NRXN1: variants seen among roughly 807,000 people sequenced by gnomAD.
NRXN1 encodes the protein neurexin-1.
Under a neutral mutation model 150.9 loss-of-function variants are expected in NRXN1, and 39 were observed. The ratio of observed to expected loss-of-function variants is 0.26; its 90% CI spans 0.20 to 0.34. NRXN1 has a LOEUF of 0.34. NRXN1 is among the 10% of genes least tolerant of loss of function. The pLI is 1.00. For missense variants in NRXN1, 1,815 were observed against 1,949.9 expected (o/e 0.93, Z 1.30); for synonymous variants, 924 against 757.0 (o/e 1.22, Z -3.62).
At chr2:50,404,120 G>A (rs2082584353) in intron 17 of NRXN1, among the ~76,000 whole-genome samples, 1 of 151,750 alleles carries the variant, frequency 6.6e-6, no homozygotes, top group Admixed American at 6.6e-5. Context: ...CACACCCTCT[G>A]TTGTGTCTTC....
At chr2:50,718,294 CA>C (rs1202631523) in intron 5 of NRXN1, among the ~76,000 whole-genome samples, 1 of 151,314 alleles carries the variant, frequency 6.6e-6, no homozygotes, top group African/African-American at 2.4e-5. Context: ...TATGGGAGCA[CA>C]AAAAAAATTT....
chr2:50,245,173 T>G (rs929894383), intron 17 of NRXN1, among the ~76,000 whole-genome samples: 2 of 151,974 alleles, frequency 1.3e-5, no homozygotes, highest in Non-Finnish European at 2.9e-5. Context: ...TAGTTTGAGC[T>G]GCCCAGAGAG....
chr2:50,167,211 C>T (rs542506726), intron 18 of NRXN1, among the ~76,000 whole-genome samples: 1 of 152,238 alleles, frequency 6.6e-6, no homozygotes, highest in South Asian at 2.1e-4. Context: ...ATCTGCTCCC[C>T]TGCCTCACCC....
rs145814403 is a variant in NRXN1, at chr2:50,113,298, C to T, written c.3547-21804G>A. Among the ~76,000 whole-genome samples the T allele has an allele frequency of 1.8e-4, 28 of 152,314 alleles. No homozygotes were observed. In the East Asian group the frequency reaches 5.4e-3, roughly 29 times the overall value. On this transcript the variant is annotated intron_variant, in intron 18 of 22. Coordinates refer to ENST00000401669, the MANE Select transcript of NRXN1 (RefSeq NM_001330078.2). ...TTGCACATAAATATTTACCATGCAT[C>T]ATAATTATTTGTGCATGTGTCTCTT...
intron 21 of NRXN1, among the ~76,000 whole-genome samples, chr2:49,956,943 A>G (rs1675073194): frequency 6.6e-6 from 1 of 152,104 alleles, no homozygotes; most frequent in African/African-American, 2.4e-5. Flanking sequence ...TGGGTAGGGG[A>G]AATTGGCAGC....
intron 5 of NRXN1, among the ~76,000 whole-genome samples, chr2:50,907,956 C>G (rs1683956904): frequency 6.6e-6 from 1 of 152,212 alleles, no homozygotes; most frequent in East Asian, 1.9e-4. Context: ...CTAGCCAACA[C>G]TCATCACTCA....
intron 1 of NRXN1, among the ~76,000 whole-genome samples, chr2:51,030,557 C>G (rs1020358522): frequency 6.6e-6 from 1 of 151,710 alleles, no homozygotes; most frequent in Non-Finnish European, 1.5e-5. Context: ...CACACACACA[C>G]ACACACACAC....
At chr2:50,994,729 T>A (rs1699017668) in intron 2 of NRXN1, among the ~76,000 whole-genome samples, 1 of 152,064 alleles carries the variant, frequency 6.6e-6, no homozygotes, top group Non-Finnish European at 1.5e-5. Context: ...ACACATGTAG[T>A]ACACACATCT....
At chr2:50,504,749 T>G (rs900514945) in intron 13 of NRXN1, among the ~76,000 whole-genome samples, 2 of 152,152 alleles carry the variant, frequency 1.3e-5, no homozygotes, top group African/African-American at 4.8e-5. Context: ...TCCAATTTCC[T>G]GAAAGTCTAC....
chr2:50,722,271 AAGG>A (rs1696764076), intron 5 of NRXN1, among the ~76,000 whole-genome samples: 1 of 152,158 alleles, frequency 6.6e-6, no homozygotes, highest in African/African-American at 2.4e-5. Context: ...TTCACAGCAA[AAGG>A]AGGTGATAAA....
chr2:50,231,159 T>C (rs1007408049), intron 18 of NRXN1, among the ~76,000 whole-genome samples: 1 of 152,128 alleles, frequency 6.6e-6, no homozygotes, highest in Non-Finnish European at 1.5e-5. Flanking sequence ...TATGGCAAAG[T>C]TAAACCTCTA....
chr2:50,315,565 G>A (rs183771682), intron 17 of NRXN1, among the ~76,000 whole-genome samples: 25 of 152,140 alleles, frequency 1.6e-4, no homozygotes, highest in Middle Eastern at 3.4e-3. Flanking sequence ...CAGCCCACAC[G>A]GTGATCCAAA....
At chr2:50,595,240 T>G (rs960693942) in intron 8 of NRXN1, among the ~76,000 whole-genome samples, 2 of 152,014 alleles carry the variant, frequency 1.3e-5, no homozygotes, top group Non-Finnish European at 2.9e-5. Context: ...GGCTGTGACC[T>G]GATTTGACAG....
intron 18 of NRXN1, among the ~76,000 whole-genome samples, chr2:50,170,318 G>A (rs916094224): frequency 7.3e-5 from 11 of 151,600 alleles, no homozygotes; most frequent in Admixed American, 5.9e-4. Flanking sequence ...TTTTTTTTGA[G>A]ACAGTCTCAC....
chr2:50,439,857 T>A (rs1189587450), intron 17 of NRXN1, among the ~76,000 whole-genome samples: 1 of 151,892 alleles, frequency 6.6e-6, no homozygotes, highest in African/African-American at 2.4e-5. Flanking sequence ...GAAAGGTCAT[T>A]ATGTGCTAGG....
At chr2:50,218,688 TTTAAA>T (rs1354346015) in intron 18 of NRXN1, among the ~76,000 whole-genome samples, 1 of 151,970 alleles carries the variant, frequency 6.6e-6, no homozygotes, top group Non-Finnish European at 1.5e-5. Context: ...CATTTACTTT[TTTAAA>T]TTAGAGTATC....
intron 8 of NRXN1, among the ~76,000 whole-genome samples, chr2:50,581,353 T>C (rs1558968652): frequency 6.6e-6 from 1 of 152,202 alleles, no homozygotes; most frequent in Non-Finnish European, 1.5e-5. Context: ...ATCCAAATAA[T>C]AACACTCATA....
chr2:50,365,943 G>A (rs1257284331), intron 17 of NRXN1, among the ~76,000 whole-genome samples: 3 of 151,964 alleles, frequency 2.0e-5, no homozygotes, highest in South Asian at 2.1e-4. Flanking sequence ...CAAATTAGAC[G>A]ACTGCAGGTC....
chr2:50,289,199 A>C (rs1388268351), intron 17 of NRXN1, among the ~76,000 whole-genome samples: 1 of 152,154 alleles, frequency 6.6e-6, no homozygotes, highest in Non-Finnish European at 1.5e-5. Flanking sequence ...GAATGTGTAA[A>C]TCTGTAGAGC....
Sources: allele counts gnomAD v4.1 joint callset (sites outside exome capture counted in the v4.1 genomes callset), GRCh38; gene constraint gnomAD v4.1.1; transcripts MANE v1.5; gene names NCBI Gene and HGNC (gene_info 2026-07-23, HGNC 2026-07-21).